Variants in MRC1 observed in about 807,000 individuals in gnomAD.
The protein encoded by MRC1 is macrophage mannose receptor 1.
In MRC1, 62 loss-of-function variants were observed where a neutral mutation model predicts 102.9. The ratio of observed to expected loss-of-function variants is 0.60; its 90% CI spans 0.49 to 0.74. The LOEUF is 0.74. MRC1 is among the 30% of genes least tolerant of loss of function. MRC1 has a pLI of 0.00. For synonymous variants in MRC1, 457 were observed against 298.4 expected (o/e 1.53, Z -5.48); for missense variants, 1,237 against 862.8 (o/e 1.43, Z -5.43).
chr10:17,828,070 C>A (rs937708197), intron 3 of MRC1, among the ~76,000 whole-genome samples: 4 of 152,162 alleles, frequency 2.6e-5, no homozygotes, highest in South Asian at 2.1e-4. Context: ...ATCAAGTGAC[C>A]TCTTTATTTA....
intron 26 of MRC1, among the ~76,000 whole-genome samples, chr10:17,906,577 C>G (rs1358504199): frequency 6.6e-6 from 1 of 152,046 alleles, no homozygotes; most frequent in African/African-American, 2.4e-5. Context: ...TATAATATTT[C>G]TTTGTACTCT....
chr10:17,861,309 A>G (rs1331435359), intron 9 of MRC1, 78 bp from the exon 10 acceptor site: 2 of 683,446 alleles, frequency 2.9e-6, no homozygotes, highest in African/African-American at 3.7e-5. Flanking sequence ...GCAAAACTGC[A>G]TCTCAAATAA....
At chr10:17,905,948 G>C (rs1833889164) in intron 26 of MRC1, among the ~76,000 whole-genome samples, 1 of 152,268 alleles carries the variant, frequency 6.6e-6, no homozygotes, top group Middle Eastern at 3.4e-3. Context: ...AAAATGTCCA[G>C]AATGAAATGC....
intron 24 of MRC1, among the ~76,000 whole-genome samples, chr10:17,900,150 A>G (rs1833810206): frequency 6.6e-6 from 1 of 151,802 alleles, no homozygotes; most frequent in African/African-American, 2.4e-5. Context: ...GACTAAAATG[A>G]CTGGCTTTTT....
chr10:17,907,776 C>A (rs1352662858), intron 28 of MRC1, 78 bp downstream of exon 28: 3 of 763,924 alleles, frequency 3.9e-6, no homozygotes, highest in African/African-American at 1.7e-5. Context: ...GGTATGGAAT[C>A]ATAATGTGAT....
intron 22 of MRC1, among the ~76,000 whole-genome samples, chr10:17,886,233 A>G (rs1250680733): frequency 6.6e-6 from 1 of 152,182 alleles, no homozygotes; most frequent in Non-Finnish European, 1.5e-5. Flanking sequence ...CACTGTCTGC[A>G]TGACATGGTG....
At chr10:17,898,671 T>G (rs1299215065) in intron 24 of MRC1, among the ~76,000 whole-genome samples, 1 of 152,216 alleles carries the variant, frequency 6.6e-6, no homozygotes, top group African/African-American at 2.4e-5. Flanking sequence ...TGGCAAGACG[T>G]TCTAGACTTG....
Position 17,897,991 on chromosome 10 carries a change from A to C in MRC1, c.3251-43A>C, listed in dbSNP as rs1232452147. 1.0e-5 allele frequency: 8 copies of C among 780,758 alleles called. No individual in the cohort carries two copies. In the Admixed American group the frequency reaches 1.2e-4, roughly 12 times the overall value. The allele number at this position is 780,758 out of a possible 1,614,324, so 48.4% of individuals were successfully genotyped here. On this transcript the variant is annotated intron_variant, in intron 23 of 29. Coordinates refer to ENST00000569591, the MANE Select transcript of MRC1 (RefSeq NM_002438.4). ...TTATCATTACTGATAAGGCTCAATT[A>C]CTGTTTATTGATAATGCTAATGAAA...
chr10:17,814,677 CTTTTT>C lies in MRC1; in HGVS notation c.61+5173_61+5177del, dbSNP rs1179816829. Among the ~76,000 whole-genome samples, 5 of 85,176 alleles carry C rather than the reference CTTTTT, an allele frequency of 5.9e-5. No individual in the cohort carries two copies. In the East Asian group the frequency reaches 1.3e-3, roughly 22 times the overall value. The allele number at this position is 85,176 out of a possible 152,430, so 55.9% of individuals were successfully genotyped here. On this transcript the variant is annotated intron_variant, in intron 1 of 29. Coordinates refer to ENST00000569591, the MANE Select transcript of MRC1 (RefSeq NM_002438.4). ...CCGTGTTCTCGGTCCTTCCGTCCCT[CTTTTT>C]TTTTTTTTTTTTTTTTTTTTTGAGA...
chr10:17,881,670 A>ATTTTTTTT lies in MRC1; in HGVS notation c.2980+505_2980+512dup, dbSNP rs1184943960. Among the ~76,000 whole-genome samples, 48 of 102,758 alleles carry ATTTTTTTT rather than the reference A, an allele frequency of 4.7e-4. 4 individuals are homozygous for ATTTTTTTT. Among genetic ancestry groups the ATTTTTTTT allele is most frequent in the South Asian group, 1.3e-3 (4 of 3,010 alleles). 67.4% of individuals were successfully genotyped at this position (102,758 alleles called of 152,430 possible). On this transcript the variant is annotated intron_variant, in intron 21 of 29. Coordinates refer to ENST00000569591, the MANE Select transcript of MRC1 (RefSeq NM_002438.4). Reference sequence around the variant, plus strand: ...AAATATGAACTTTGAACAAATTTTGATTTTTTTTTTTTTTTTTTTTTTTGG... The same window carrying ATTTTTTTT: ...AAATATGAACTTTGAACAAATTTTGATTTTTTTTTTTTTTTTTTTTTTTTTTTTTTTGG...
At position 17,878,666 on chromosome 10, in the gene MRC1, T is replaced by A. The variant is rs963636965; in HGVS notation, c.2618+699T>A. On this transcript the variant is annotated intron_variant, in intron 18 of 29. Coordinates refer to ENST00000569591, the MANE Select transcript of MRC1 (RefSeq NM_002438.4). Reference sequence around the variant, plus strand: ...GAGACCTAAATTCAAGGTCATTATTTTTATTATTATTATTTGAGAAAGGTC... The same window carrying A: ...GAGACCTAAATTCAAGGTCATTATTATTATTATTATTATTTGAGAAAGGTC... Among the ~76,000 whole-genome samples, 46 of 152,132 alleles carry A rather than the reference T, an allele frequency of 3.0e-4. No individual in the cohort carries two copies. The East Asian group carries it at 7.2e-3, about 24-fold the overall frequency.
At position 17,858,833 on chromosome 10, in the gene MRC1, T is replaced by C. The variant is rs943364083; in HGVS notation, c.1518+2481T>C. 6.1e-3 allele frequency among the ~76,000 whole-genome samples: 936 copies of C among 152,366 alleles called. 47 individuals carry two copies. In the East Asian group the frequency reaches 0.14, roughly 23 times the overall value. On this transcript the variant is annotated intron_variant, in intron 9 of 29. Coordinates refer to ENST00000569591, the MANE Select transcript of MRC1 (RefSeq NM_002438.4). ...ATCGTGCCAGGCCCAGAGTGATTCTTTGAGGTTTCACAGCCATCTTTCAGT... is the reference window on the plus strand; with the variant it reads ...ATCGTGCCAGGCCCAGAGTGATTCTCTGAGGTTTCACAGCCATCTTTCAGT...
intron 12 of MRC1, among the ~76,000 whole-genome samples, chr10:17,869,859 C>T (rs1833329934): frequency 2.0e-5 from 3 of 152,192 alleles, no homozygotes; most frequent in Non-Finnish European, 4.4e-5. Context: ...TCTTCTTCTT[C>T]ATGTTTACTT....
chr10:17,883,336 C>G (rs2130694783), intron 21 of MRC1, among the ~76,000 whole-genome samples: 1 of 152,034 alleles, frequency 6.6e-6, no homozygotes, highest in African/African-American at 2.4e-5. Flanking sequence ...GCTATGTTGC[C>G]CAGGCTGGCT....
At chr10:17,814,933 C>T (rs964853301) in intron 1 of MRC1, among the ~76,000 whole-genome samples, 4 of 151,794 alleles carry the variant, frequency 2.6e-5, no homozygotes, top group East Asian at 1.9e-4. Context: ...CCCAAAGTGC[C>T]GGGATTACAG....
intron 8 of MRC1, among the ~76,000 whole-genome samples, chr10:17,853,467 C>G (rs1833015646): frequency 6.6e-6 from 1 of 151,926 alleles, no homozygotes; most frequent in African/African-American, 2.4e-5. Context: ...CACCAAAGCT[C>G]TCATCTGACC....
rs1171130654 is a variant in MRC1, at chr10:17,847,412, T to G, written c.1063+1977T>G. Reference sequence around the variant, plus strand: ...TACATTCTTATTCCTCCATGATGCCTTCTTCACTCGCTAACCACTTGATGT... The same window carrying G: ...TACATTCTTATTCCTCCATGATGCCGTCTTCACTCGCTAACCACTTGATGT... On this transcript the variant is annotated intron_variant, in intron 6 of 29. Coordinates refer to ENST00000569591, the MANE Select transcript of MRC1 (RefSeq NM_002438.4). Among the ~76,000 whole-genome samples, 6 of 152,368 alleles carry G rather than the reference T, an allele frequency of 3.9e-5. No individual in the cohort carries two copies. The East Asian group carries it at 1.2e-3, about 29-fold the overall frequency.
Position 17,900,952 on chromosome 10 carries a change from TG to T in MRC1, c.3649+1del. 1 of 780,520 alleles carries T rather than the reference TG, an allele frequency of 1.3e-6. No individual in the cohort carries two copies. The highest frequency in any genetic ancestry group is 2.4e-6 in the Non-Finnish European group (1 of 417,848). The allele number at this position is 780,520 out of a possible 1,614,324, so 48.3% of individuals were successfully genotyped here. A position where few individuals can be genotyped will look rare whatever the true frequency, so the allele number is the denominator to read the frequency against. ...SFYFLCKRSD[E>X]IPATEPPQLP... ...TTTACTTTCTCTGTAAAAGATCAGA[TG>T]GTAATTGAATATATAAAAACAGTCA... On this transcript the variant is annotated frameshift_variant and splice_region_variant, in exon 25 of 30. Transcript: ENST00000569591. LOFTEE classifies it high-confidence loss of function.
chr10:17,867,014 C>T (rs1833279041), intron 12 of MRC1, among the ~76,000 whole-genome samples: 1 of 151,924 alleles, frequency 6.6e-6, no homozygotes, highest in South Asian at 2.1e-4. Flanking sequence ...TGCTCTGCCG[C>T]TATCACCTCC....
Sources: allele counts gnomAD v4.1 joint callset (sites outside exome capture counted in the v4.1 genomes callset), GRCh38; gene constraint gnomAD v4.1.1; transcripts MANE v1.5; gene names NCBI Gene and HGNC (gene_info 2026-07-23, HGNC 2026-07-21).